SNTG2: variants seen among roughly 807,000 people sequenced by gnomAD.
SNTG2 encodes the protein syntrophin gamma 2.
A neutral mutation model predicts 70.9 loss-of-function variants in SNTG2; 74 were observed. The observed-to-expected ratio is 1.04, with a 90% CI of 0.86 to 1.27. The LOEUF is 1.27. Among genes scored for constraint, SNTG2 ranks in the 50% most tolerant of loss-of-function variants. The probability of loss-of-function intolerance (pLI) is 0.00; values close to 1 mark genes in which losing one functional copy is unlikely to be tolerated. For missense variants in SNTG2, 717 were observed against 690.7 expected (o/e 1.04, Z -0.43); for synonymous variants, 278 against 273.8 (o/e 1.02, Z -0.15).
intron 15 of SNTG2, among the ~76,000 whole-genome samples, chr2:1,314,189 C>T (rs1681158353): frequency 6.6e-6 from 1 of 152,182 alleles, no homozygotes; most frequent in Admixed American, 6.5e-5. Context: ...CAAATTTGAA[C>T]CAAAGACTCT....
intron 14 of SNTG2, among the ~76,000 whole-genome samples, chr2:1,307,920 G>C (rs1680779605): frequency 6.6e-6 from 1 of 152,240 alleles, no homozygotes; most frequent in Non-Finnish European, 1.5e-5. Flanking sequence ...CCGGCCGCGG[G>C]TGGGATGCGC....
At chr2:1,180,062 T>C (rs1260500299) in intron 8 of SNTG2, among the ~76,000 whole-genome samples, 5 of 130,730 alleles carry the variant, frequency 3.8e-5, no homozygotes, top group Non-Finnish European at 6.5e-5. Flanking sequence ...ATACAAAAAT[T>C]AATTCAAGAT....
chr2:1,178,954 G>A (rs1276687272), intron 8 of SNTG2, among the ~76,000 whole-genome samples: 1 of 151,978 alleles, frequency 6.6e-6, no homozygotes, highest in Non-Finnish European at 1.5e-5. Flanking sequence ...TGGTTGGTAA[G>A]CTATTGATTA....
intron 14 of SNTG2, among the ~76,000 whole-genome samples, chr2:1,303,847 A>T (rs139683344): frequency 7.2e-5 from 11 of 152,356 alleles, no homozygotes; most frequent in Non-Finnish European, 1.6e-4. Flanking sequence ...TACACATATA[A>T]ATCTCGCAAC....
chr2:1,311,059 G>A (rs1260552659), intron 15 of SNTG2, among the ~76,000 whole-genome samples: 5 of 152,140 alleles, frequency 3.3e-5, no homozygotes, highest in Non-Finnish European at 5.9e-5. Flanking sequence ...GCATGCCGGC[G>A]GTCCGGGGGC....
chr2:1,030,053 T>C (rs73908662), intron 1 of SNTG2, among the ~76,000 whole-genome samples: 8,548 of 152,300 alleles, frequency 0.056, 673 homozygotes, highest in African/African-American at 0.17. Flanking sequence ...ATCTACACCT[T>C]GAGTGGCTGC....
chr2:1,114,112 CT>C (rs765577507), intron 4 of SNTG2, among the ~76,000 whole-genome samples: 1 of 151,732 alleles, frequency 6.6e-6, no homozygotes, highest in Non-Finnish European at 1.5e-5. Context: ...CCTTACAGTC[CT>C]TTGAGGAGGA....
At chr2:1,021,233 A>C (rs1660154725) in intron 1 of SNTG2, among the ~76,000 whole-genome samples, 1 of 152,152 alleles carries the variant, frequency 6.6e-6, no homozygotes. Context: ...GGTAGCTACT[A>C]TCTTTGACAG....
rs28846805 is a variant in SNTG2 at position 1,200,658 on chromosome 2, C to G, written c.592-8445C>G. 5.8e-4 allele frequency among the ~76,000 whole-genome samples: 88 copies of G among 152,000 alleles called. 1 individual carries two copies. Among genetic ancestry groups the G allele is most frequent in the Middle Eastern group, 6.8e-3 (2 of 294 alleles). Reference sequence around the variant, plus strand: ...ACTAATATCCAGAATATACAAGGGACTCAACAGCAAAAACAATAAGAAAAA... The same window carrying G: ...ACTAATATCCAGAATATACAAGGGAGTCAACAGCAAAAACAATAAGAAAAA... On this transcript the variant is annotated intron_variant, in intron 8 of 16. Coordinates refer to ENST00000308624, the MANE Select transcript of SNTG2 (RefSeq NM_018968.4).
At chr2:1,136,006 G>A (rs931531007) in intron 4 of SNTG2, among the ~76,000 whole-genome samples, 1 of 152,086 alleles carries the variant, frequency 6.6e-6, no homozygotes, top group Non-Finnish European at 1.5e-5. Flanking sequence ...GAATTATGAT[G>A]ATTAATTGAT....
chr2:1,255,999 G>A lies in SNTG2; in HGVS notation c.1006-3371G>A, dbSNP rs112934629. Among the ~76,000 whole-genome samples the A allele has an allele frequency of 4.3e-4, 64 of 148,230 alleles. 1 individual carries two copies. Among genetic ancestry groups the A allele is most frequent in the African/African-American group, 1.5e-3 (60 of 40,400 alleles). ...GTATGTATAGCCACGCATTGCTTAAGGACAGGTATATATTCCAGAAAATGC... is the reference window on the plus strand; with the variant it reads ...GTATGTATAGCCACGCATTGCTTAAAGACAGGTATATATTCCAGAAAATGC... On this transcript the variant is annotated intron_variant, in intron 12 of 16. Transcript: ENST00000308624.
chr2:1,137,906 G>T (rs1668502156), intron 6 of SNTG2, 97 bp downstream of exon 6: 3 of 1,179,042 alleles, frequency 2.5e-6, no homozygotes, highest in Non-Finnish European at 2.5e-6. Flanking sequence ...ATCCATAGAT[G>T]CAGTGTTAGA....
In SNTG2 at chr2:1,185,479, AC is replaced by A. The variant is rs563968989; in HGVS notation, c.591+12297del. 4.2e-3 allele frequency among the ~76,000 whole-genome samples: 632 copies of A among 152,266 alleles called. 9 individuals are homozygous for A. The highest frequency in any genetic ancestry group is 0.015 in the African/African-American group (608 of 41,556). On this transcript the variant is annotated intron_variant, in intron 8 of 16. Transcript: ENST00000308624. ...CATGAAGGCTTCTCCCCTGCAGCAG[AC>A]TTCTGCCTGGACATCCAGGAATTTC...
At chr2:1,132,439 CTT>C (rs1271088688) in intron 4 of SNTG2, among the ~76,000 whole-genome samples, 4 of 152,186 alleles carry the variant, frequency 2.6e-5, no homozygotes, top group Non-Finnish European at 5.9e-5. Context: ...CCCAGCTGCT[CTT>C]GTTTCGACAC....
intron 6 of SNTG2, chr2:1,163,100 T>C (rs1670439203): frequency 6.6e-6 from 1 of 151,586 alleles, no homozygotes; most frequent in African/African-American, 2.4e-5. Context: ...GAAGTGGGCT[T>C]TTGAGGGATC....
In SNTG2 at chr2:1,098,202, A is replaced by G. The variant is rs201904066; in HGVS notation, c.217A>G (p.Thr73Ala). ...GGSHQGRNRR[T>A]VTLRRQPVGG... The stretch of plus-strand genomic sequence containing the variant: ...TTTCTAAAATGTTTTAAAGCGCAGA[A>G]CTGTTACACTCCGCAGACAGCCAGT... Residue 73 changes from threonine (T) to alanine (A), a missense_variant, in exon 3 of 17, where the codon ACT becomes GCT. Coordinates refer to ENST00000308624, the MANE Select transcript of SNTG2 (RefSeq NM_018968.4). 370 of 1,614,032 alleles carry G rather than the reference A, an allele frequency of 2.3e-4. 1 individual carries two copies. In the Middle Eastern group the frequency reaches 4.0e-3, roughly 17 times the overall value.
chr2:1,176,543 A>G (rs191153281), intron 8 of SNTG2, among the ~76,000 whole-genome samples: 3 of 152,184 alleles, frequency 2.0e-5, no homozygotes, highest in South Asian at 2.1e-4. Flanking sequence ...AACAACTATC[A>G]TCAGAGTGAA....
At chr2:1,241,466 T>C (rs1014252170) in intron 11 of SNTG2, among the ~76,000 whole-genome samples, 1 of 148,604 alleles carries the variant, frequency 6.7e-6, no homozygotes, top group Non-Finnish European at 1.5e-5. Context: ...AAGCATTTTC[T>C]TTTTTTTTTA....
intron 14 of SNTG2, among the ~76,000 whole-genome samples, chr2:1,303,544 G>C: frequency 6.6e-6 from 1 of 152,012 alleles, no homozygotes; most frequent in East Asian, 1.9e-4. Context: ...GAAGAGGAAA[G>C]GTCTAAAAAC....
Sources: allele counts gnomAD v4.1 joint callset (sites outside exome capture counted in the v4.1 genomes callset), GRCh38; gene constraint gnomAD v4.1.1; transcripts MANE v1.5; gene names NCBI Gene and HGNC (gene_info 2026-07-23, HGNC 2026-07-21).